OR1L8: variants seen among roughly 807,000 people sequenced by gnomAD.
The protein encoded by OR1L8 is olfactory receptor 1L8.
For synonymous variants in OR1L8, 148 were observed against 147.0 expected, an observed-to-expected ratio of 1.01 and a Z score of -0.05; for missense variants, 330 against 377.4, an observed-to-expected ratio of 0.87 and a Z score of 1.04.
chr9:122,552,753 T>TGA, the OR1L8 span, among the ~76,000 whole-genome samples: 1 of 65,754 alleles, frequency 1.5e-5, no homozygotes, highest in African/African-American at 5.7e-5. Context: ...GGCTTGAGTG[T>TGA]GTGTGTGTGT....
the OR1L8 span, among the ~76,000 whole-genome samples, chr9:122,555,782 C>T: frequency 6.6e-6 from 1 of 152,140 alleles, no homozygotes; most frequent in Non-Finnish European, 1.5e-5. Context: ...CAGAAAGTTC[C>T]CATATACTTT....
the OR1L8 span, chr9:122,553,615 A>T: frequency 6.2e-7 from 1 of 1,614,044 alleles, no homozygotes; most frequent in East Asian, 2.2e-5. Flanking sequence ...CCACTCCATT[A>T]CAGCACATCT....
downstream of OR1L8, among the ~76,000 whole-genome samples, chr9:122,565,714 C>G (rs77914658): frequency 0.028 from 4,293 of 152,334 alleles, 192 homozygotes; most frequent in African/African-American, 0.098. Flanking sequence ...AACTTACCTT[C>G]TCCCCACCTT....
At chr9:122,554,040 G>T in the OR1L8 span, 1 of 1,613,774 alleles carries the variant, frequency 6.2e-7, no homozygotes, top group Non-Finnish European at 8.5e-7. Flanking sequence ...GGAAAGTAGG[G>T]CTGCTGTTCT....
At chr9:122,571,547 CAAAAAA>C (rs59592725) in intron 4 of OR1L8, among the ~76,000 whole-genome samples, 10 of 126,844 alleles carry the variant, frequency 7.9e-5, no homozygotes, top group African/African-American at 2.1e-4. Context: ...CAGACTGTCT[CAAAAAA>C]AAAAAAAAAA....
At chr9:122,558,550 T>C in the OR1L8 span, among the ~76,000 whole-genome samples, 1 of 151,768 alleles carries the variant, frequency 6.6e-6, no homozygotes, top group African/African-American at 2.4e-5. Flanking sequence ...AAGTAATTTC[T>C]TATTATTTTA....
intron 2 of OR1L8, 118 bp downstream of exon 2, chr9:122,578,206 T>C (rs1829689358): frequency 1.3e-5 from 2 of 152,128 alleles, no homozygotes; most frequent in Non-Finnish European, 2.9e-5. Context: ...ATCTCAGCAT[T>C]TTAGGAGGGT....
chr9:122,581,359 C>T (rs549209680), intron 1 of OR1L8, among the ~76,000 whole-genome samples: 438 of 151,460 alleles, frequency 2.9e-3, no homozygotes, highest in Non-Finnish European at 3.5e-3. Flanking sequence ...AGCAAGACTC[C>T]GTCTCAAAAC....
chr9:122,552,052 CAT>C, the OR1L8 span, among the ~76,000 whole-genome samples: 1 of 138,176 alleles, frequency 7.2e-6, no homozygotes, highest in East Asian at 2.5e-4. Flanking sequence ...CACACACACA[CAT>C]ACACTCTCTC....
At chr9:122,572,650 T>G (rs1014266627) in intron 4 of OR1L8, 130 bp downstream of exon 4, 2 of 151,800 alleles carry the variant, frequency 1.3e-5, no homozygotes, top group Non-Finnish European at 2.9e-5. Context: ...CAGATCAAGC[T>G]CAATGAGTCT....
At chr9:122,555,315 T>G in the OR1L8 span, among the ~76,000 whole-genome samples, 2 of 152,314 alleles carry the variant, frequency 1.3e-5, no homozygotes, top group Admixed American at 6.5e-5. Context: ...CATTGCTCTT[T>G]GGTCATTCTA....
the OR1L8 span, among the ~76,000 whole-genome samples, chr9:122,548,759 C>T: frequency 8.9e-6 from 1 of 112,654 alleles, no homozygotes; most frequent in Non-Finnish European, 1.7e-5. Flanking sequence ...TCTACCCCCA[C>T]CCCACAACAG....
intron 2 of OR1L8, among the ~76,000 whole-genome samples, chr9:122,578,019 A>G (rs73565633): frequency 0.026 from 4,023 of 152,344 alleles, 122 homozygotes; most frequent in African/African-American, 0.071. Flanking sequence ...AAAGGAAAAC[A>G]CTTTTACACT....
At chr9:122,579,201 ATTAT>A (rs1829708221) in intron 1 of OR1L8, among the ~76,000 whole-genome samples, 1 of 152,034 alleles carries the variant, frequency 6.6e-6, no homozygotes. Context: ...GTGTGGACTA[ATTAT>A]TTGATAGCAT....
chr9:122,553,148 T>A, the OR1L8 span: 1 of 1,548,942 alleles, frequency 6.5e-7, no homozygotes, highest in Admixed American at 1.9e-5. Context: ...TGTAAATTGA[T>A]CTAATAAATA....
chr9:122,561,367 G>C, the OR1L8 span, among the ~76,000 whole-genome samples: 1 of 152,146 alleles, frequency 6.6e-6, no homozygotes, highest in Non-Finnish European at 1.5e-5. Context: ...CCTCCATCCA[G>C]TTCACGCCCT....
intron 1 of OR1L8, among the ~76,000 whole-genome samples, chr9:122,581,291 A>G (rs2118752506): frequency 6.6e-6 from 1 of 152,236 alleles, no homozygotes; most frequent in Middle Eastern, 3.4e-3. Flanking sequence ...TCTTGAACCC[A>G]GGAGGCGGCG....
chr9:122,556,420 T>C, the OR1L8 span, among the ~76,000 whole-genome samples: 1 of 152,118 alleles, frequency 6.6e-6, no homozygotes, highest in South Asian at 2.1e-4. Context: ...GGGCTCTTTA[T>C]TCTGTTATAT....
At chr9:122,558,480 T>G in the OR1L8 span, among the ~76,000 whole-genome samples, 2 of 151,812 alleles carry the variant, frequency 1.3e-5, no homozygotes, top group African/African-American at 4.8e-5. Context: ...TGGGCTAAAG[T>G]GGCTTTGAGT....
Sources: gnomAD v4.1 joint callset for allele counts (sites outside exome capture counted in the v4.1 genomes callset) on GRCh38, gnomAD v4.1.1 for gene constraint, MANE v1.5 for transcripts, NCBI Gene and HGNC (gene_info 2026-07-23, HGNC 2026-07-21) for gene names.